The following FANCC variants were observed in gnomAD, a reference collection of about 807,000 sequenced individuals.
FANCC encodes FA complementation group C.
A neutral mutation model predicts 71.3 loss-of-function variants in FANCC; 55 were observed. The observed-to-expected ratio is 0.77, with a 90% CI of 0.62 to 0.97. The LOEUF (loss-of-function observed/expected upper bound fraction) is 0.97. Ranked by LOEUF, FANCC falls within the 50% of genes least tolerant of loss-of-function variation. FANCC has a pLI of 0.00. For synonymous variants in FANCC, 275 were observed against 244.9 expected (o/e 1.12, Z -1.15); for missense variants, 678 against 670.9 (o/e 1.01, Z -0.12).
At chr9:95,287,188 G>C (rs900364494) in intron 1 of FANCC, among the ~76,000 whole-genome samples, 1 of 152,032 alleles carries the variant, frequency 6.6e-6, no homozygotes. Flanking sequence ...TATCATGTAC[G>C]AGATGGAGCC....
intron 11 of FANCC, among the ~76,000 whole-genome samples, chr9:95,115,666 A>G (rs138550479): frequency 3.6e-4 from 55 of 152,364 alleles, no homozygotes; most frequent in Non-Finnish European, 6.9e-4. Context: ...GATAGATGCT[A>G]TAATCGAACA....
chr9:95,216,647 G>A (rs2135910049), intron 4 of FANCC, among the ~76,000 whole-genome samples: 1 of 152,334 alleles, frequency 6.6e-6, no homozygotes, highest in East Asian at 1.9e-4. Flanking sequence ...CACGAAAAAG[G>A]AAGTTTGTTT....
At chr9:95,220,732 A>C in intron 4 of FANCC, among the ~76,000 whole-genome samples, 1 of 151,816 alleles carries the variant, frequency 6.6e-6, no homozygotes, top group Non-Finnish European at 1.5e-5. Flanking sequence ...GTAGGGGGAG[A>C]GGGGAGGGAT....
chr9:95,183,013 T>C (rs936284534), intron 4 of FANCC, among the ~76,000 whole-genome samples: 23 of 151,894 alleles, frequency 1.5e-4, no homozygotes, highest in African/African-American at 5.6e-4. Flanking sequence ...CAAACTCACT[T>C]CCCCTGCCTT....
At chr9:95,154,202 C>A (rs944364257) in intron 6 of FANCC, among the ~76,000 whole-genome samples, 1 of 139,796 alleles carries the variant, frequency 7.2e-6, no homozygotes, top group East Asian at 2.2e-4. Context: ...GCTGACATCA[C>A]GCCACTGCAT....
intron 6 of FANCC, among the ~76,000 whole-genome samples, chr9:95,154,985 T>A (rs1201758366): frequency 6.6e-6 from 1 of 151,708 alleles, no homozygotes. Flanking sequence ...GTGGGTGGAC[T>A]GCTTCAGCCC....
chr9:95,292,410 G>A (rs1435262389), intron 1 of FANCC: 1 of 1,073,956 alleles, frequency 9.3e-7, no homozygotes, highest in African/African-American at 1.7e-5. Flanking sequence ...CGTCCCGGCG[G>A]CCACGAGAGG....
At chr9:95,190,369 A>G (rs1827012460) in intron 4 of FANCC, among the ~76,000 whole-genome samples, 3 of 152,146 alleles carry the variant, frequency 2.0e-5, no homozygotes, top group Admixed American at 2.0e-4. Flanking sequence ...AAAAGAAAAA[A>G]GTTCTCCTTG....
At chr9:95,114,131 T>G in intron 12 of FANCC, 1 of 194,414 alleles carries the variant, frequency 5.1e-6, no homozygotes, top group Non-Finnish European at 1.1e-5. Flanking sequence ...TATATTAGAA[T>G]AGATTTTCTC....
At chr9:95,263,514 A>G (rs947442133) in intron 1 of FANCC, among the ~76,000 whole-genome samples, 2 of 145,878 alleles carry the variant, frequency 1.4e-5, no homozygotes, top group Admixed American at 6.9e-5. Context: ...ATATATATAT[A>G]TATCTATATA....
intron 10 of FANCC, among the ~76,000 whole-genome samples, chr9:95,122,016 C>A (rs994585250): frequency 6.6e-6 from 1 of 151,986 alleles, no homozygotes; most frequent in East Asian, 1.9e-4. Context: ...CACCACCATG[C>A]CCGGCGAATT....
At chr9:95,216,095 C>A (rs1828847651) in intron 4 of FANCC, among the ~76,000 whole-genome samples, 2 of 152,154 alleles carry the variant, frequency 1.3e-5, no homozygotes, top group South Asian at 4.1e-4. Context: ...CTATACGCTA[C>A]CTATGAAAAA....
chr9:95,302,579 C>T (rs115102343), intron 1 of FANCC, among the ~76,000 whole-genome samples: 2 of 152,290 alleles, frequency 1.3e-5, no homozygotes, highest in African/African-American at 2.4e-5. Context: ...GAATGTAGGC[C>T]GCTTTCAGTG....
intron 1 of FANCC, among the ~76,000 whole-genome samples, chr9:95,272,827 T>C (rs560487424): frequency 5.2e-4 from 79 of 152,344 alleles, no homozygotes; most frequent in African/African-American, 1.9e-3. Flanking sequence ...ATTTCATCTA[T>C]AGCAAATGCC....
chr9:95,256,357 T>C (rs984251653), intron 1 of FANCC, among the ~76,000 whole-genome samples: 6 of 152,216 alleles, frequency 3.9e-5, no homozygotes, highest in African/African-American at 1.4e-4. Flanking sequence ...GCAGAAACTC[T>C]ACAAGCCAGA....
intron 11 of FANCC, among the ~76,000 whole-genome samples, chr9:95,116,507 A>C (rs1304953048): frequency 6.6e-6 from 1 of 152,208 alleles, no homozygotes; most frequent in Non-Finnish European, 1.5e-5. Context: ...GTCTCAGAAA[A>C]AAGGCAGGCC....
At chr9:95,288,234 T>C (rs978633312) in intron 1 of FANCC, among the ~76,000 whole-genome samples, 3 of 152,242 alleles carry the variant, frequency 2.0e-5, no homozygotes, top group Non-Finnish European at 2.9e-5. Flanking sequence ...CAGGATTTTA[T>C]TTACAATTTC....
intron 1 of FANCC, among the ~76,000 whole-genome samples, chr9:95,307,247 T>C (rs1167944273): frequency 6.6e-6 from 1 of 152,208 alleles, no homozygotes; most frequent in Non-Finnish European, 1.5e-5. Flanking sequence ...ATAATCTATA[T>C]GGAAATAATT....
intron 4 of FANCC, among the ~76,000 whole-genome samples, chr9:95,226,257 A>T (rs1231110830): frequency 6.6e-6 from 1 of 152,224 alleles, no homozygotes; most frequent in Non-Finnish European, 1.5e-5. Flanking sequence ...CTCCAGGAAA[A>T]ATACACTTAC....
Sources: allele counts gnomAD v4.1 joint callset (sites outside exome capture counted in the v4.1 genomes callset), GRCh38; gene constraint gnomAD v4.1.1; transcripts MANE v1.5; gene names NCBI Gene and HGNC (gene_info 2026-07-23, HGNC 2026-07-21).